The following DCAF7 variants were observed in gnomAD, a reference collection of about 807,000 sequenced individuals.
The protein encoded by DCAF7 is DDB1 and CUL4 associated factor 7.
DCAF7 carries 4 observed loss-of-function variants against 41.2 expected under a neutral mutation model. That is an observed-to-expected ratio of 0.10 (90% CI 0.05 to 0.22). The LOEUF is 0.22. Ranked by LOEUF, DCAF7 falls within the 10% of genes least tolerant of loss-of-function variation. DCAF7 has a pLI of 1.00. For synonymous variants in DCAF7, 143 were observed against 164.2 expected (o/e 0.87, Z 0.99); for missense variants, 131 against 443.2 (o/e 0.30, Z 6.32).
chr17:63,569,044 T>C (rs1413616009), intron 1 of DCAF7, among the ~76,000 whole-genome samples: 1 of 152,210 alleles, frequency 6.6e-6, no homozygotes, highest in Non-Finnish European at 1.5e-5. Flanking sequence ...TTGGCTATTA[T>C]TTGATGTCAC....
chr17:63,552,077 C>T (rs1386338200), intron 1 of DCAF7, among the ~76,000 whole-genome samples: 1 of 150,610 alleles, frequency 6.6e-6, no homozygotes, highest in Non-Finnish European at 1.5e-5. Context: ...GACTCTGTCT[C>T]AGAAAAAAAA....
At chr17:63,554,839 T>C (rs553283086) in intron 1 of DCAF7, among the ~76,000 whole-genome samples, 4 of 152,208 alleles carry the variant, frequency 2.6e-5, no homozygotes, top group Non-Finnish European at 4.4e-5. Flanking sequence ...AATTTACTTT[T>C]GTATTTTCCA....
chr17:63,592,782 G>A lies in DCAF7; in HGVS notation c.*3610G>A, dbSNP rs187233392. 3 of 152,330 alleles carry A rather than the reference G, an allele frequency of 2.0e-5. No individual in the cohort carries two copies. In the East Asian group the frequency reaches 5.8e-4, roughly 29 times the overall value. 9.4% of individuals were successfully genotyped at this position (152,330 alleles called of 1,614,324 possible). On this transcript the variant is annotated 3_prime_UTR_variant, in exon 7 of 7. Coordinates refer to ENST00000614556, the MANE Select transcript of DCAF7 (RefSeq NM_005828.5). ...TTAGAGCAGCCATGGGTGATGTTTG[G>A]TGGTAAAAAACCTACAGGCGTTTGG...
At chr17:63,552,298 G>A (rs1464731392) in intron 1 of DCAF7, 1 of 152,148 alleles carries the variant, frequency 6.6e-6, no homozygotes, top group Admixed American at 6.6e-5. Context: ...TTTTTCAGGA[G>A]CACATTTGTT....
intron 1 of DCAF7, among the ~76,000 whole-genome samples, chr17:63,570,077 G>T (rs1390218454): frequency 6.6e-6 from 1 of 152,138 alleles, no homozygotes; most frequent in Non-Finnish European, 1.5e-5. Flanking sequence ...TCAAGTGTGT[G>T]TACTACAGTG....
intron 1 of DCAF7, among the ~76,000 whole-genome samples, chr17:63,563,669 G>C (rs543006916): frequency 7.0e-4 from 106 of 152,112 alleles, no homozygotes; most frequent in African/African-American, 2.2e-3. Context: ...CAAAAATTTA[G>C]CCTAGCATGG....
At chr17:63,559,375 GTGTATATATATGTATATATATA>G (rs1281849704) in intron 1 of DCAF7, among the ~76,000 whole-genome samples, 23 of 81,176 alleles carry the variant, frequency 2.8e-4, no homozygotes, top group East Asian at 2.5e-3. Flanking sequence ...ATATATATAT[GTGTATATATATGTATATATATA>G]TGTATATATA....
rs1181168428 is a variant in DCAF7, at chr17:63,550,701, G to A, written c.24G>A (p.Lys8=). The change falls in exon 1 of 7, where the codon AAG becomes AAA. Residue 8 remains lysine, a synonymous_variant. Coordinates refer to ENST00000614556, the MANE Select transcript of DCAF7 (RefSeq NM_005828.5). This position sits in a 1 kb window ranked among gnomAD's most constrained non-coding sequence, Gnocchi z 4.8. ...CCATGTCCCTGCACGGCAAACGGAA[G>A]GAGATCTACAAGTATGAAGCGCCCT... MSLHGKR[K]EIYKYEAPWT... The A allele has an allele frequency of 6.2e-7, 1 of 1,613,472 alleles. No homozygotes were observed. The highest frequency in any genetic ancestry group is 8.5e-7 in the Non-Finnish European group (1 of 1,179,722).
chr17:63,588,189 A>ATTTTTTTTTTTTTTTTTTTTTTTTTT (rs377638787), intron 6 of DCAF7, among the ~76,000 whole-genome samples: 9 of 120,226 alleles, frequency 7.5e-5, no homozygotes, highest in African/African-American at 3.5e-4. Flanking sequence ...ATTTTCTTGG[A>ATTTTTTTTTTTTTTTTTTTTTTTTTT]TTTTTTTTTT....
chr17:63,589,724 A>G lies in DCAF7; in HGVS notation c.*552A>G, dbSNP rs73333812. 2,063 of 184,574 alleles carry G rather than the reference A, an allele frequency of 0.011. 46 individuals carry two copies. Among genetic ancestry groups the G allele is most frequent in the African/African-American group, 0.045 (1,903 of 41,844 alleles). The allele number at this position is 184,574 out of a possible 1,614,324, so 11.4% of individuals were successfully genotyped here. The stretch of plus-strand genomic sequence containing the variant: ...CTCCTGCTTCATTTCTTTGTCTTAT[A>G]GTCCTCCCTCTTTGCACCTTCTTCT... On this transcript the variant is annotated 3_prime_UTR_variant, in exon 7 of 7. Transcript: ENST00000614556.
chr17:63,559,839 T>C (rs2033361984), intron 1 of DCAF7, among the ~76,000 whole-genome samples: 1 of 151,628 alleles, frequency 6.6e-6, no homozygotes, highest in Non-Finnish European at 1.5e-5. Context: ...TCCAGATAAA[T>C]GGAAGAATGT....
At chr17:63,554,383 G>A (rs1217109480) in intron 1 of DCAF7, among the ~76,000 whole-genome samples, 1 of 152,262 alleles carries the variant, frequency 6.6e-6, no homozygotes, top group Non-Finnish European at 1.5e-5. Context: ...GGAGATAGGT[G>A]ACAGACACAC....
At chr17:63,581,979 G>A (rs567359981) in intron 4 of DCAF7, among the ~76,000 whole-genome samples, 94 of 152,250 alleles carry the variant, frequency 6.2e-4, no homozygotes, top group African/African-American at 2.1e-3. Flanking sequence ...ACTTAGAGCC[G>A]AGAGAGCATT....
intron 4 of DCAF7, among the ~76,000 whole-genome samples, chr17:63,581,277 T>G (rs970181440): frequency 6.6e-6 from 1 of 152,208 alleles, no homozygotes; most frequent in Non-Finnish European, 1.5e-5. Context: ...TGTTGTCTGT[T>G]AGGTCCAACC....
At chr17:63,551,271 C>G (rs914759652) in intron 1 of DCAF7, among the ~76,000 whole-genome samples, 1 of 151,746 alleles carries the variant, frequency 6.6e-6, no homozygotes, top group Non-Finnish European at 1.5e-5. Context: ...TCTATTAAGA[C>G]GATCTATTGT....
intron 1 of DCAF7, among the ~76,000 whole-genome samples, chr17:63,568,767 G>A (rs2033472894): frequency 6.6e-6 from 1 of 152,150 alleles, no homozygotes; most frequent in South Asian, 2.1e-4. Context: ...GTGGAAAGCT[G>A]TTGTCTCACA....
chr17:63,572,850 C>T (rs2033522018), intron 1 of DCAF7, among the ~76,000 whole-genome samples: 1 of 152,182 alleles, frequency 6.6e-6, no homozygotes, highest in African/African-American at 2.4e-5. Flanking sequence ...GCAACCTCTA[C>T]CTCCTAGGCT....
intron 6 of DCAF7, among the ~76,000 whole-genome samples, chr17:63,586,376 G>A (rs1000311420): frequency 1.3e-5 from 2 of 151,752 alleles, no homozygotes; most frequent in African/African-American, 2.4e-5. Flanking sequence ...GATCCCTTGA[G>A]CCCAGGAGTT....
At chr17:63,587,659 A>G (rs1307324621) in intron 6 of DCAF7, among the ~76,000 whole-genome samples, 1 of 152,116 alleles carries the variant, frequency 6.6e-6, no homozygotes, top group East Asian at 1.9e-4. Context: ...TTGGCAGGAG[A>G]CTAGTATTGC....
Sources: allele counts gnomAD v4.1 joint callset (sites outside exome capture counted in the v4.1 genomes callset), GRCh38; gene constraint gnomAD v4.1.1; non-coding constraint Gnocchi (gnomAD v3.1); transcripts MANE v1.5; gene names NCBI Gene and HGNC (gene_info 2026-07-23, HGNC 2026-07-21).